Variants in SGCZ observed in about 807,000 individuals in gnomAD.
The protein encoded by SGCZ is zeta-sarcoglycan.
In SGCZ, 40 loss-of-function variants were observed where a neutral mutation model predicts 41.3. The ratio of observed to expected loss-of-function variants is 0.97; its 90% CI spans 0.75 to 1.26. SGCZ has a LOEUF of 1.26. Among genes scored for constraint, SGCZ ranks in the 50% most tolerant of loss-of-function variants. The probability of loss-of-function intolerance (pLI) is 0.00; values close to 1 mark genes in which losing one functional copy is unlikely to be tolerated. For synonymous variants in SGCZ, 206 were observed against 137.5 expected (o/e 1.50, Z -3.49); for missense variants, 552 against 369.8 (o/e 1.49, Z -4.04).
At chr8:14,294,102 C>T (rs1800934814) in intron 3 of SGCZ, among the ~76,000 whole-genome samples, 1 of 151,570 alleles carries the variant, frequency 6.6e-6, no homozygotes, top group African/African-American at 2.4e-5. Context: ...TTATTACAAC[C>T]ACCAGACATT....
chr8:14,240,296 C>T (rs1475233689), intron 3 of SGCZ, among the ~76,000 whole-genome samples: 2 of 145,030 alleles, frequency 1.4e-5, no homozygotes, highest in African/African-American at 5.3e-5. Flanking sequence ...CCACTGCACT[C>T]CAGCCTGAGT....
At chr8:14,516,985 A>T (rs1042801711) in intron 2 of SGCZ, among the ~76,000 whole-genome samples, 2 of 152,078 alleles carry the variant, frequency 1.3e-5, no homozygotes, top group Non-Finnish European at 1.5e-5. Context: ...AAATAGATAC[A>T]AGGGTGGAGC....
intron 2 of SGCZ, among the ~76,000 whole-genome samples, chr8:14,492,718 CT>C (rs1801876274): frequency 6.6e-6 from 1 of 152,134 alleles, no homozygotes. Flanking sequence ...TCCTCATTTA[CT>C]TCAGTGAATT....
At chr8:14,091,009 C>G (rs1009416897) in intron 7 of SGCZ, among the ~76,000 whole-genome samples, 3 of 151,924 alleles carry the variant, frequency 2.0e-5, no homozygotes, top group Non-Finnish European at 4.4e-5. Context: ...CTGACAGGCC[C>G]GGATGTGTGA....
chr8:14,446,708 G>T (rs1404200319), intron 2 of SGCZ, among the ~76,000 whole-genome samples: 2 of 152,114 alleles, frequency 1.3e-5, no homozygotes, highest in Non-Finnish European at 2.9e-5. Flanking sequence ...GAAGATAAAA[G>T]CTCACCTTTC....
chr8:14,765,778 G>T (rs572872055), intron 1 of SGCZ, among the ~76,000 whole-genome samples: 1 of 152,228 alleles, frequency 6.6e-6, no homozygotes, highest in East Asian at 1.9e-4. Context: ...CATCAAATGC[G>T]TGTGCGCAGA....
At chr8:14,455,404 C>A (rs1800711522) in intron 2 of SGCZ, among the ~76,000 whole-genome samples, 1 of 151,330 alleles carries the variant, frequency 6.6e-6, no homozygotes, top group African/African-American at 2.4e-5. Flanking sequence ...TCACATATTG[C>A]TGGTAGAAAT....
intron 5 of SGCZ, among the ~76,000 whole-genome samples, chr8:14,149,809 G>A (rs1407799782): frequency 6.6e-6 from 1 of 152,046 alleles, no homozygotes; most frequent in Non-Finnish European, 1.5e-5. Context: ...AAGTAGCATG[G>A]TATTCTCATA....
intron 5 of SGCZ, among the ~76,000 whole-genome samples, chr8:14,116,194 T>C (rs1263715036): frequency 6.6e-6 from 1 of 152,106 alleles, no homozygotes; most frequent in African/African-American, 2.4e-5. Context: ...AAATATTTTT[T>C]ACTCTGAAAA....
rs1237262342 is a variant in SGCZ, at chr8:15,023,047, A to T, written c.39+214538T>A. On this transcript the variant is annotated intron_variant, in intron 1 of 7. Coordinates refer to ENST00000382080, the MANE Select transcript of SGCZ (RefSeq NM_139167.4). ...CATCCTTTTGTCTGATTAGTCAGTC[A>T]GCTATCAACTCCTCTTGTTGCCAGA... Among the ~76,000 whole-genome samples, 3 of 152,290 alleles carry T rather than the reference A, an allele frequency of 2.0e-5. 1 individual carries two copies. In the Middle Eastern group the frequency reaches 0.01, roughly 518 times the overall value.
chr8:14,766,330 T>C (rs898699566), intron 1 of SGCZ, among the ~76,000 whole-genome samples: 1 of 152,112 alleles, frequency 6.6e-6, no homozygotes, highest in South Asian at 2.1e-4. Flanking sequence ...TAAGGTTGAC[T>C]TGGGGTATAG....
rs117108237 is a variant in SGCZ, at chr8:15,216,254, C to G, written c.39+21331G>C. Among the ~76,000 whole-genome samples, 571 of 122,594 alleles carry G rather than the reference C, an allele frequency of 4.7e-3. 2 individuals carry two copies. The highest frequency in any genetic ancestry group is 8.6e-3 in the Middle Eastern group (1 of 116). The allele number at this position is 122,594 out of a possible 152,430, so 80.4% of individuals were successfully genotyped here. On this transcript the variant is annotated intron_variant, in intron 1 of 7. Transcript: ENST00000382080. ...TTTTTTTTTTTGAGACGGTGTTGCTCTGTCATCCAGGCTGGAGTGCAGCGG... is the reference window on the plus strand; with the variant it reads ...TTTTTTTTTTTGAGACGGTGTTGCTGTGTCATCCAGGCTGGAGTGCAGCGG...
intron 2 of SGCZ, among the ~76,000 whole-genome samples, chr8:14,383,264 T>C (rs1049977781): frequency 6.6e-6 from 1 of 152,266 alleles, no homozygotes; most frequent in African/African-American, 2.4e-5. Context: ...TACAAAGCTC[T>C]GATTTTGAAG....
intron 1 of SGCZ, among the ~76,000 whole-genome samples, chr8:14,667,317 T>C (rs527675916): frequency 6.6e-6 from 1 of 152,284 alleles, no homozygotes; most frequent in African/African-American, 2.4e-5. Flanking sequence ...GAGAAGCGGA[T>C]GAATAAATTG....
At chr8:14,462,630 A>G (rs1035702807) in intron 2 of SGCZ, among the ~76,000 whole-genome samples, 1 of 152,020 alleles carries the variant, frequency 6.6e-6, no homozygotes, top group African/African-American at 2.4e-5. Flanking sequence ...GCTTTAAAGT[A>G]AGTTTTGAAA....
intron 1 of SGCZ, among the ~76,000 whole-genome samples, chr8:15,006,897 A>C (rs1802624545): frequency 1.3e-5 from 2 of 152,216 alleles, no homozygotes; most frequent in South Asian, 4.1e-4. Context: ...AAAGCTAGCA[A>C]AAATGTTGAC....
intron 1 of SGCZ, among the ~76,000 whole-genome samples, chr8:15,129,539 G>T (rs984986033): frequency 2.6e-5 from 4 of 152,064 alleles, no homozygotes; most frequent in African/African-American, 7.2e-5. Context: ...TAAGAAATTT[G>T]TCAGAAACTC....
At chr8:14,438,437 T>C (rs1440943665) in intron 2 of SGCZ, among the ~76,000 whole-genome samples, 1 of 151,990 alleles carries the variant, frequency 6.6e-6, no homozygotes, top group Non-Finnish European at 1.5e-5. Flanking sequence ...ATTAATTTTC[T>C]AGGGAGAGAA....
chr8:14,321,825 G>A (rs1403014050), intron 3 of SGCZ, among the ~76,000 whole-genome samples: 1 of 152,036 alleles, frequency 6.6e-6, no homozygotes, highest in Non-Finnish European at 1.5e-5. Flanking sequence ...ATGTTTAACA[G>A]AATTTTTAAA....
Sources: allele counts gnomAD v4.1 joint callset (sites outside exome capture counted in the v4.1 genomes callset), GRCh38; gene constraint gnomAD v4.1.1; transcripts MANE v1.5; gene names NCBI Gene and HGNC (gene_info 2026-07-23, HGNC 2026-07-21).